MGA: variants seen among roughly 807,000 people sequenced by gnomAD.
MGA encodes MAX gene-associated protein.
A neutral mutation model predicts 261.1 loss-of-function variants in MGA; 40 were observed. The observed-to-expected ratio is 0.15, with a 90% CI of 0.12 to 0.20. The LOEUF (loss-of-function observed/expected upper bound fraction) is 0.20. MGA is among the 10% of genes least tolerant of loss of function. MGA has a pLI of 1.00. For missense variants in MGA, 3,397 were observed against 3,630.5 expected (o/e 0.94, Z 1.65); for synonymous variants, 1,302 against 1,290.6 (o/e 1.01, Z -0.19).
chr15:41,626,306 A>T (rs2056449933), intron 1 of MGA, among the ~76,000 whole-genome samples: 2 of 149,196 alleles, frequency 1.3e-5, no homozygotes, highest in African/African-American at 2.5e-5. Flanking sequence ...TTTTTTGACA[A>T]GTGGTCTTTC....
intron 1 of MGA, among the ~76,000 whole-genome samples, chr15:41,637,072 T>C (rs1273621290): frequency 6.6e-6 from 1 of 151,956 alleles, no homozygotes; most frequent in Non-Finnish European, 1.5e-5. Flanking sequence ...AAGAGAGAAA[T>C]GTGAGAAAAT....
intron 1 of MGA, among the ~76,000 whole-genome samples, chr15:41,640,354 A>G (rs1595556758): frequency 6.6e-6 from 1 of 152,130 alleles, no homozygotes; most frequent in Non-Finnish European, 1.5e-5. Context: ...CTTGGTGCTC[A>G]TTGTTTGTCT....
At chr15:41,711,372 A>G in intron 8 of MGA, 23 bp downstream of exon 8, 1 of 1,556,764 alleles carries the variant, frequency 6.4e-7, no homozygotes. Context: ...TGTTTTCTGG[A>G]GGTATATTAG....
rs552198964 is a variant in MGA at position 41,733,639 on chromosome 15, A to G, written c.3844-883A>G. Among the ~76,000 whole-genome samples the G allele has an allele frequency of 2.6e-5, 4 of 152,334 alleles. No homozygotes were observed. The East Asian group carries it at 5.8e-4, about 22-fold the overall frequency. On this transcript the variant is annotated intron_variant, in intron 11 of 23. Transcript: ENST00000219905. ...CAAAAACAAAAAAATTTAAATGTGC[A>G]TATCTTTTTGACCCTAAATTGTAAG...
upstream of MGA, among the ~76,000 whole-genome samples, chr15:41,656,805 G>C (rs1391082558): frequency 6.6e-6 from 1 of 151,694 alleles, no homozygotes; most frequent in African/African-American, 2.4e-5. Flanking sequence ...TGGGGGGTAG[G>C]TCTCACTGTT....
intron 1 of MGA, among the ~76,000 whole-genome samples, chr15:41,631,763 AGTAT>A (rs1030382061): frequency 2.0e-5 from 3 of 152,198 alleles, no homozygotes; most frequent in African/African-American, 7.2e-5. Context: ...CAGAAAAAAA[AGTAT>A]GTATTTTCAT....
At chr15:41,645,328 G>A (rs771568017) in intron 1 of MGA, among the ~76,000 whole-genome samples, 23 of 152,186 alleles carry the variant, frequency 1.5e-4, no homozygotes, top group Non-Finnish European at 2.6e-4. Flanking sequence ...GGTGGCTCAC[G>A]CCTGTAATCC....
At chr15:41,663,997 G>A (rs902395708) in intron 1 of MGA, among the ~76,000 whole-genome samples, 85 of 152,184 alleles carry the variant, frequency 5.6e-4, no homozygotes, top group Non-Finnish European at 1.5e-4. Context: ...CTAGATTGAT[G>A]TAGAATAAGA....
intron 14 of MGA, among the ~76,000 whole-genome samples, 192 bp from the exon 15 acceptor site, chr15:41,742,354 A>T (rs1267385454): frequency 6.6e-6 from 1 of 152,014 alleles, no homozygotes; most frequent in Non-Finnish European, 1.5e-5. Context: ...GCGCCATTGC[A>T]CTCTAGCCTG....
Position 41,769,389 on chromosome 15 carries a change from AC to A in MGA, c.*2110del, listed in dbSNP as rs1473026768. The A allele has an allele frequency of 6.6e-6, 1 of 150,802 alleles. No homozygotes were observed. The highest frequency in any genetic ancestry group is 1.5e-5 in the Non-Finnish European group (1 of 67,848). The allele number at this position is 150,802 out of a possible 1,614,324, so 9.3% of individuals were successfully genotyped here. On this transcript the variant is annotated 3_prime_UTR_variant, in exon 24 of 24. Coordinates refer to ENST00000219905, the MANE Select transcript of MGA (RefSeq NM_001164273.2). Reference sequence around the variant, plus strand: ...CCATTTGACTCTTGATGAGAGTTGTACGAAGATGGAAATGAGGGATGATTCC... The same window carrying A: ...CCATTTGACTCTTGATGAGAGTTGTAGAAGATGGAAATGAGGGATGATTCC...
At chr15:41,765,625 G>A (rs936905080) in intron 23 of MGA, among the ~76,000 whole-genome samples, 2 of 152,192 alleles carry the variant, frequency 1.3e-5, no homozygotes, top group African/African-American at 4.8e-5. Context: ...TCACTCTGGA[G>A]GACTCATCTT....
At chr15:41,758,052 A>T (rs1175284543) in intron 19 of MGA, among the ~76,000 whole-genome samples, 1 of 152,064 alleles carries the variant, frequency 6.6e-6, no homozygotes, top group Non-Finnish European at 1.5e-5. Flanking sequence ...GGATAGACTA[A>T]TGTAGAGGAG....
intron 1 of MGA, among the ~76,000 whole-genome samples, chr15:41,624,137 T>A (rs1301632383): frequency 1.3e-5 from 2 of 151,742 alleles, no homozygotes; most frequent in African/African-American, 4.8e-5. Flanking sequence ...TGATCTCGGC[T>A]TACTGCAACC....
Position 41,727,200 on chromosome 15 carries a change from G to C in MGA, c.3451G>C (p.Glu1151Gln), listed in dbSNP as rs1419772059. Reference sequence around the variant, plus strand: ...TTAAGCTATATGTGAGACAGAGCCTGAACAGCCTGTTCGACATTACCCATT... The same window carrying C: ...TTAAGCTATATGTGAGACAGAGCCTCAACAGCCTGTTCGACATTACCCATT... Residue 1151 changes from glutamate (E) to glutamine (Q), a missense_variant, in exon 10 of 24, where the codon GAA (glutamate) becomes CAA (glutamine). Glu to Gln is a conservative substitution (Grantham distance 29). This residue lies in a region of MGA where 519 missense variants were observed against 554.1 expected (regional missense o/e 0.94). Coordinates refer to ENST00000219905, the MANE Select transcript of MGA (RefSeq NM_001164273.2). 6.2e-7 allele frequency: 1 copy of C among 1,613,658 alleles called. No homozygotes were observed. Among genetic ancestry groups the C allele is most frequent in the Non-Finnish European group, 8.5e-7 (1 of 1,179,768 alleles).
Position 41,766,975 on chromosome 15 carries a change from C to G in MGA, c.8893C>G (p.Pro2965Ala), listed in dbSNP as rs771172244. 6.2e-6 allele frequency: 10 copies of G among 1,613,986 alleles called. No individual in the cohort carries two copies. Among genetic ancestry groups the G allele is most frequent in the Admixed American group, 1.7e-5 (1 of 60,022 alleles). Residue 2965 changes from proline (P) to alanine (A), a missense_variant, in exon 24 of 24, where the codon CCC becomes GCC. Physicochemically the swap from Pro to Ala is conservative, Grantham distance 27. Around this residue, in one of 9 missense-constraint regions of MGA, gnomAD observed 647 missense variants for 642.4 expected, o/e 1.01. Coordinates refer to ENST00000219905, the MANE Select transcript of MGA (RefSeq NM_001164273.2). ...AGAGCCCGAAAGTGTGTCCTCACCC[C>G]CCACCCTACACATGAAGACTGGCTT...
Position 41,669,693 on chromosome 15 carries a change from C to T in MGA, c.799C>T (p.Pro267Ser). Residue 267 changes from proline to serine, a missense_variant, in exon 2 of 24, where the codon CCC (proline) becomes TCC (serine). By Grantham distance (74) the Pro-to-Ser change is moderately conservative (BLOSUM62 -1). Transcript: ENST00000219905. Reference sequence around the variant, plus strand: ...TCGGGATGATGGGCTGAATAATAAGCCCCAGAGAGATGGAAAACAAAAGAA... The same window carrying T: ...TCGGGATGATGGGCTGAATAATAAGTCCCAGAGAGATGGAAAACAAAAGAA... The T allele has an allele frequency of 6.2e-7, 1 of 1,613,510 alleles. No homozygotes were observed. The highest frequency in any genetic ancestry group is 1.7e-5 in the Admixed American group (1 of 59,914).
In MGA at chr15:41,670,544, C is replaced by T. The variant is rs530274883; in HGVS notation, c.1064+586C>T. On this transcript the variant is annotated intron_variant, in intron 2 of 23. Transcript: ENST00000219905. ...TTTTTGAGATGGAGTCTCGCTCTGTCGCCCAGGCTGGAGTGCAGTGGCATG... is the reference window on the plus strand; with the variant it reads ...TTTTTGAGATGGAGTCTCGCTCTGTTGCCCAGGCTGGAGTGCAGTGGCATG... Among the ~76,000 whole-genome samples the T allele has an allele frequency of 1.2e-4, 19 of 152,236 alleles. No homozygotes were observed. The East Asian group carries it at 2.7e-3, about 22-fold the overall frequency.
rs1438865335 is a variant in MGA at position 41,696,300 on chromosome 15, C to T, written c.1290C>T (p.His430=). 1.2e-6 allele frequency: 2 copies of T among 1,613,732 alleles called. No individual in the cohort carries two copies. The highest frequency in any genetic ancestry group is 1.7e-5 in the Admixed American group (1 of 59,990). Residue 430 remains histidine (H), a synonymous_variant, in exon 3 of 24, where the codon CAC becomes CAT. Coordinates refer to ENST00000219905, the MANE Select transcript of MGA (RefSeq NM_001164273.2). ...TACTAGAGAAACAGCTAAAGAGGCA[C>T]AATAAAGTTGACAACCCAGAAGCTG...
intron 1 of MGA, among the ~76,000 whole-genome samples, chr15:41,622,506 C>T (rs561059275): frequency 1.6e-3 from 251 of 152,290 alleles, no homozygotes; most frequent in African/African-American, 5.9e-3. Context: ...CTATCTTTAT[C>T]ATTCCCATTT....
Sources: gnomAD v4.1 joint callset for allele counts (sites outside exome capture counted in the v4.1 genomes callset) on GRCh38, gnomAD v4.1.1 for gene constraint, gnomAD v4.1.1 regional missense constraint, MANE v1.5 for transcripts, NCBI Gene and HGNC (gene_info 2026-07-23, HGNC 2026-07-21) for gene names.